The following XRCC4 variants were observed in gnomAD, a reference collection of about 807,000 sequenced individuals.
The protein encoded by XRCC4 is X-ray repair cross complementing 4, also known as DNA repair protein XRCC4.
XRCC4 carries 28 observed loss-of-function variants against 39.1 expected under a neutral mutation model. The observed-to-expected ratio is 0.72, with a 90% CI of 0.53 to 0.98. The LOEUF (loss-of-function observed/expected upper bound fraction) is 0.98, where lower values mean the gene tolerates loss of function less well. Among genes scored for constraint, XRCC4 ranks in the 50% least tolerant of loss-of-function variants. The pLI is 0.00. For synonymous variants in XRCC4, 123 were observed against 126.4 expected (o/e 0.97, Z 0.18); for missense variants, 350 against 376.4 (o/e 0.93, Z 0.58).
intron 7 of XRCC4, among the ~76,000 whole-genome samples, chr5:83,267,146 A>G (rs1381869401): frequency 6.6e-6 from 1 of 152,178 alleles, no homozygotes; most frequent in Admixed American, 6.5e-5. Flanking sequence ...AGGAGATAGG[A>G]TAAAATCAGA....
At chr5:83,228,082 G>T (rs993940392) in intron 6 of XRCC4, among the ~76,000 whole-genome samples, 17 of 152,018 alleles carry the variant, frequency 1.1e-4, no homozygotes, top group Admixed American at 6.6e-5. Flanking sequence ...TTCTGTACCA[G>T]TGTCATGCTT....
intron 3 of XRCC4, among the ~76,000 whole-genome samples, chr5:83,166,813 G>A (rs181889776): frequency 3.3e-5 from 5 of 151,916 alleles, no homozygotes; most frequent in Admixed American, 1.3e-4. Flanking sequence ...GCCAGCATCC[G>A]TTATTTTTTG....
intron 6 of XRCC4, 119 bp downstream of exon 6, chr5:83,205,040 A>G: frequency 2.9e-6 from 2 of 679,444 alleles, no homozygotes; most frequent in African/African-American, 1.8e-5. Context: ...AAAATTCTTT[A>G]GCATTTTTAT....
intron 7 of XRCC4, among the ~76,000 whole-genome samples, chr5:83,339,375 GA>G (rs1435799148): frequency 6.6e-6 from 1 of 151,700 alleles, no homozygotes; most frequent in Non-Finnish European, 1.5e-5. Context: ...AACACAAGAA[GA>G]GAAAACCAAA....
intron 3 of XRCC4, among the ~76,000 whole-genome samples, chr5:83,181,053 C>CTTTTTTTTTTTTTTTT (rs374001978): frequency 7.2e-6 from 1 of 139,384 alleles, no homozygotes; most frequent in Non-Finnish European, 1.6e-5. Flanking sequence ...TTTAAACTTT[C>CTTTTTTTTTTTTTTTT]TTTTTTTTTT....
chr5:83,171,288 T>G (rs1749709920), intron 3 of XRCC4, among the ~76,000 whole-genome samples: 1 of 152,180 alleles, frequency 6.6e-6, no homozygotes, highest in African/African-American at 2.4e-5. Flanking sequence ...TCCTGCCTAC[T>G]CTACCACCAG....
chr5:83,084,684 G>C (rs1290710207), intron 1 of XRCC4, among the ~76,000 whole-genome samples: 1 of 152,068 alleles, frequency 6.6e-6, no homozygotes, highest in Non-Finnish European at 1.5e-5. Context: ...ATTTAATTAT[G>C]ATTAGTTTGT....
intron 5 of XRCC4, among the ~76,000 whole-genome samples, chr5:83,204,455 G>A: frequency 6.6e-6 from 1 of 152,004 alleles, no homozygotes; most frequent in East Asian, 1.9e-4. Context: ...GTTTTGCAGA[G>A]ATCAAATGAA....
chr5:83,321,288 T>C (rs1306040112), intron 7 of XRCC4, among the ~76,000 whole-genome samples: 1 of 152,164 alleles, frequency 6.6e-6, no homozygotes, highest in South Asian at 2.1e-4. Flanking sequence ...CACTAAATAA[T>C]AGTTTTGAAC....
intron 7 of XRCC4, among the ~76,000 whole-genome samples, chr5:83,267,818 G>C (rs1754010184): frequency 1.3e-5 from 2 of 152,112 alleles, no homozygotes; most frequent in Admixed American, 6.6e-5. Context: ...ATCCTATCAG[G>C]GGAACAGATT....
the XRCC4 span, among the ~76,000 whole-genome samples, chr5:83,368,726 A>G: frequency 1.3e-5 from 2 of 152,210 alleles, no homozygotes; most frequent in African/African-American, 4.8e-5. Context: ...ACTCATTTGC[A>G]GAAAGGATTT....
chr5:83,176,051 A>AATG (rs1210312746), intron 3 of XRCC4, among the ~76,000 whole-genome samples: 2 of 151,636 alleles, frequency 1.3e-5, no homozygotes, highest in African/African-American at 2.4e-5. Flanking sequence ...TAATAATAAT[A>AATG]ATGATTTAAA....
intron 6 of XRCC4, among the ~76,000 whole-genome samples, chr5:83,221,754 T>C (rs1352245199): frequency 1.3e-5 from 2 of 151,778 alleles, no homozygotes; most frequent in Admixed American, 1.3e-4. Flanking sequence ...AGTATTTATT[T>C]AATAAATACT....
intron 6 of XRCC4, among the ~76,000 whole-genome samples, chr5:83,253,290 G>T (rs1447418728): frequency 6.6e-6 from 1 of 152,200 alleles, no homozygotes; most frequent in Non-Finnish European, 1.5e-5. Context: ...TGAACGCAGG[G>T]CTAAGATCTT....
At position 83,111,126 on chromosome 5, in the gene XRCC4, C is replaced by A; in HGVS notation, c.238C>A (p.Pro80Thr). ...LRKALLSGAG[P>T]ADVYTFNFSK... ...AAAAGCATTGTTGTCAGGAGCAGGA[C>A]CAGCTGATGTATACACGTTTAATTT... Residue 80 changes from proline to threonine, a missense_variant, in exon 3 of 8, where the codon CCA (proline) becomes ACA (threonine). Physicochemically the swap from Pro to Thr is conservative, Grantham distance 38. Coordinates refer to ENST00000396027, the MANE Select transcript of XRCC4 (RefSeq NM_003401.5). The A allele has an allele frequency of 1.2e-6, 2 of 1,610,884 alleles. No individual in the cohort carries two copies. The highest frequency in any genetic ancestry group is 4.5e-5 in the East Asian group (2 of 44,548).
chr5:83,138,195 A>G (rs1178149379), intron 3 of XRCC4, among the ~76,000 whole-genome samples: 1 of 152,132 alleles, frequency 6.6e-6, no homozygotes, highest in Non-Finnish European at 1.5e-5. Flanking sequence ...GTTATCTCTA[A>G]ATGATTTTAT....
intron 7 of XRCC4, among the ~76,000 whole-genome samples, chr5:83,285,359 A>G (rs1220369603): frequency 6.6e-6 from 1 of 152,078 alleles, no homozygotes; most frequent in African/African-American, 2.4e-5. Flanking sequence ...ATCTAAATAT[A>G]TTTCTGTATG....
chr5:83,293,510 T>C (rs1464894795), intron 7 of XRCC4, among the ~76,000 whole-genome samples: 2 of 152,004 alleles, frequency 1.3e-5, no homozygotes, highest in Non-Finnish European at 2.9e-5. Flanking sequence ...TCTTTTATAA[T>C]TTAACCCATC....
intron 7 of XRCC4, among the ~76,000 whole-genome samples, chr5:83,312,490 G>T (rs903014835): frequency 3.3e-5 from 5 of 152,126 alleles, no homozygotes; most frequent in Non-Finnish European, 7.4e-5. Context: ...GGTCAAGATG[G>T]GAAGATACAT....
Sources: gnomAD v4.1 joint callset for allele counts (sites outside exome capture counted in the v4.1 genomes callset) on GRCh38, gnomAD v4.1.1 for gene constraint, MANE v1.5 for transcripts, NCBI Gene and HGNC (gene_info 2026-07-23, HGNC 2026-07-21) for gene names.